Variants in JAK1 observed in about 807,000 individuals in gnomAD.
JAK1 encodes tyrosine-protein kinase JAK1.
JAK1 carries 16 observed loss-of-function variants against 136.6 expected under a neutral mutation model. The observed-to-expected ratio is 0.12, with a 90% CI of 0.08 to 0.18. The LOEUF is 0.18. Among genes scored for constraint, JAK1 ranks in the 10% least tolerant of loss-of-function variants. The pLI is 1.00. For missense variants in JAK1, 859 were observed against 1,450.1 expected (o/e 0.59, Z 6.62); for synonymous variants, 492 against 519.5 (o/e 0.95, Z 0.72).
intron 20 of JAK1, 93 bp downstream of exon 20, chr1:64,839,510 G>A (rs1654754185): frequency 1.3e-5 from 14 of 1,091,238 alleles, no homozygotes; most frequent in Middle Eastern, 4.2e-4. Context: ...CAGACGCCCA[G>A]GTAAGGCCAC....
chr1:64,966,508 C>G lies in JAK1; in HGVS notation c.-253G>C, dbSNP rs950499947. The stretch of plus-strand genomic sequence containing the variant: ...GCGCAGGCCCGCACTGTCTGCAGCT[C>G]CAGGATACTCCGCGGCCGCCGCGGC... On this transcript the variant is annotated 5_prime_UTR_variant, in exon 1 of 25. Transcript: ENST00000342505. 1 of 150,488 alleles carries G rather than the reference C, an allele frequency of 6.6e-6. No homozygotes were observed. Among genetic ancestry groups the G allele is most frequent in the South Asian group, 2.1e-4 (1 of 4,864 alleles). The allele number at this position is 150,488 out of a possible 1,614,324, so 9.3% of individuals were successfully genotyped here. A position where few individuals can be genotyped will look rare whatever the true frequency, so the allele number is the denominator to read the frequency against.
intron 4 of JAK1, 44 bp downstream of exon 4, chr1:64,878,981 G>C: frequency 6.2e-6 from 10 of 1,608,882 alleles, no homozygotes; most frequent in Non-Finnish European, 8.5e-6. Context: ...CTGTCCCTCA[G>C]TGCAGAGGGA....
At chr1:65,022,455 C>T (rs957286078) in intron 2 of JAK1, among the ~76,000 whole-genome samples, 2 of 152,068 alleles carry the variant, frequency 1.3e-5, no homozygotes, top group African/African-American at 4.8e-5. Flanking sequence ...GTAAATGACT[C>T]TGCATTTTAG....
chr1:65,048,063 G>T (rs141360541), intron 1 of JAK1, among the ~76,000 whole-genome samples: 1 of 152,110 alleles, frequency 6.6e-6, no homozygotes, highest in African/African-American at 2.4e-5. Context: ...TATATTCAAA[G>T]AAAAAAACCA....
chr1:64,863,596 T>A (rs1656507218), intron 8 of JAK1, among the ~76,000 whole-genome samples: 1 of 152,192 alleles, frequency 6.6e-6, no homozygotes, highest in Admixed American at 6.5e-5. Flanking sequence ...CCACCATAAA[T>A]AAGTAGCTGT....
At chr1:64,942,723 A>C (rs957831003) in intron 1 of JAK1, among the ~76,000 whole-genome samples, 2 of 152,212 alleles carry the variant, frequency 1.3e-5, no homozygotes, top group Non-Finnish European at 2.9e-5. Context: ...CAAAAGGTGT[A>C]ATCGTAGATA....
intron 1 of JAK1, among the ~76,000 whole-genome samples, chr1:65,045,005 T>G (rs926937042): frequency 6.6e-6 from 1 of 152,260 alleles, no homozygotes; most frequent in South Asian, 2.1e-4. Flanking sequence ...CCAAATCTAG[T>G]GGTCCCTAAA....
intron 1 of JAK1, among the ~76,000 whole-genome samples, chr1:64,897,345 G>A (rs562089161): frequency 1.6e-3 from 241 of 150,598 alleles, no homozygotes; most frequent in African/African-American, 5.6e-3. Flanking sequence ...CAGGAGAATC[G>A]CTTAAACCAG....
At chr1:64,848,278 C>T (rs1027081394) in intron 12 of JAK1, among the ~76,000 whole-genome samples, 9 of 152,214 alleles carry the variant, frequency 5.9e-5, no homozygotes, top group Non-Finnish European at 1.2e-4. Flanking sequence ...AGAAACCCAT[C>T]TGGTGGATCC....
chr1:64,839,356 G>A (rs1046758440), intron 20 of JAK1: 4 of 401,150 alleles, frequency 1.0e-5, no homozygotes, highest in Non-Finnish European at 1.8e-5. Flanking sequence ...AGGCATAAGT[G>A]CAAGTGACGT....
At chr1:64,952,792 T>C (rs993183608) in intron 1 of JAK1, among the ~76,000 whole-genome samples, 1 of 152,196 alleles carries the variant, frequency 6.6e-6, no homozygotes, top group Non-Finnish European at 1.5e-5. Context: ...TAAATAATAG[T>C]GGTAAACTCC....
At chr1:64,979,201 G>A (rs906633968) in intron 2 of JAK1, among the ~76,000 whole-genome samples, 1 of 152,198 alleles carries the variant, frequency 6.6e-6, no homozygotes, top group Non-Finnish European at 1.5e-5. Flanking sequence ...GACCAGCCTG[G>A]GCAACATAGT....
intron 2 of JAK1, among the ~76,000 whole-genome samples, chr1:65,035,784 G>A (rs546984979): frequency 1.5e-4 from 23 of 152,046 alleles, no homozygotes; most frequent in Non-Finnish European, 2.6e-4. Context: ...AAAGAAAAGA[G>A]CTGGCCGGAC....
Position 64,844,251 on chromosome 1 carries a change from TG to T in JAK1, c.2252-37del. Reference sequence around the variant, plus strand: ...ACAGACACACTGATGGAGCAGTTTCTGGGATCTCCTAGGGATTCAATTACTG... The same window carrying T: ...ACAGACACACTGATGGAGCAGTTTCTGGATCTCCTAGGGATTCAATTACTG... On this transcript the variant is annotated intron_variant, in intron 16 of 24. Transcript: ENST00000342505. The surrounding 1 kb of genome is among the most constrained non-coding windows in gnomAD (Gnocchi z 5.7). 1 of 1,613,318 alleles carries T rather than the reference TG, an allele frequency of 6.2e-7. No individual in the cohort carries two copies. The highest frequency in any genetic ancestry group is 8.5e-7 in the Non-Finnish European group (1 of 1,179,258).
At chr1:64,934,103 A>G (rs537015441) in intron 1 of JAK1, among the ~76,000 whole-genome samples, 2 of 150,658 alleles carry the variant, frequency 1.3e-5, no homozygotes, top group South Asian at 4.3e-4. Flanking sequence ...AGGAGGGGAC[A>G]GGGTATCTTA....
chr1:64,949,451 C>G (rs6670650), intron 1 of JAK1, among the ~76,000 whole-genome samples: 1 of 152,180 alleles, frequency 6.6e-6, no homozygotes, highest in Admixed American at 6.5e-5. Flanking sequence ...TTATTATAAC[C>G]CAGTTGTACA....
rs544541009 is a variant in JAK1 at position 64,841,344 on chromosome 1, C to T, written c.2555-5G>A. 27 of 1,613,392 alleles carry T rather than the reference C, an allele frequency of 1.7e-5. No homozygotes were observed. The highest frequency in any genetic ancestry group is 2.1e-5 in the Non-Finnish European group (25 of 1,179,382). On this transcript the variant is annotated splice_region_variant and splice_polypyrimidine_tract_variant and intron_variant, in intron 18 of 24. Coordinates refer to ENST00000342505, the MANE Select transcript of JAK1 (RefSeq NM_002227.4). ...TTTCTGAAACAATATCTGGATCTAA[C>T]AGAAGAGAAAAGAAAACAGAGTGAA...
intron 1 of JAK1, among the ~76,000 whole-genome samples, 173 bp from the exon 2 acceptor site, chr1:64,886,514 A>G (rs750024174): frequency 1.3e-5 from 2 of 152,146 alleles, no homozygotes. Flanking sequence ...CATCGAGAGG[A>G]CAGAGAGACA....
intron 1 of JAK1, among the ~76,000 whole-genome samples, chr1:64,909,251 A>T (rs1050276073): frequency 6.6e-6 from 1 of 152,166 alleles, no homozygotes; most frequent in African/African-American, 2.4e-5. Flanking sequence ...TGCTCACAAG[A>T]GCTGCTGACA....
Sources: allele counts gnomAD v4.1 joint callset (sites outside exome capture counted in the v4.1 genomes callset), GRCh38; gene constraint gnomAD v4.1.1; non-coding constraint Gnocchi (gnomAD v3.1); transcripts MANE v1.5; gene names NCBI Gene and HGNC (gene_info 2026-07-23, HGNC 2026-07-21).